CNTNAP4: variants seen among roughly 807,000 people sequenced by gnomAD.
The protein encoded by CNTNAP4 is contactin associated protein family member 4.
Under a neutral mutation model 148.4 loss-of-function variants are expected in CNTNAP4, and 98 were observed. The observed-to-expected ratio is 0.66, with a 90% CI of 0.56 to 0.78. CNTNAP4 has a LOEUF of 0.78. Among genes scored for constraint, CNTNAP4 ranks in the 30% least tolerant of loss-of-function variants. CNTNAP4 has a pLI of 0.00. For synonymous variants in CNTNAP4, 730 were observed against 565.1 expected, an observed-to-expected ratio of 1.29 and a Z score of -4.14; for missense variants, 1,935 against 1,565.6, an observed-to-expected ratio of 1.24 and a Z score of -3.98.
chr16:76,316,005 A>G (rs1164342488), intron 1 of CNTNAP4, among the ~76,000 whole-genome samples: 2 of 152,124 alleles, frequency 1.3e-5, no homozygotes, highest in Non-Finnish European at 2.9e-5. Flanking sequence ...TATTTGGAAT[A>G]CTAATTGTAT....
chr16:76,281,395 A>G (rs1958682984), intron 1 of CNTNAP4, among the ~76,000 whole-genome samples: 2 of 152,086 alleles, frequency 1.3e-5, no homozygotes, highest in East Asian at 1.9e-4. Context: ...ATTTTCATCT[A>G]TTCAGTCCAT....
At chr16:76,321,972 C>T (rs201469597) in intron 2 of CNTNAP4, among the ~76,000 whole-genome samples, 1 of 151,810 alleles carries the variant, frequency 6.6e-6, no homozygotes, top group East Asian at 1.9e-4. Context: ...CTGAAATTTG[C>T]CTGAGAGGTC....
chr16:76,426,962 G>T (rs534169113), intron 3 of CNTNAP4, among the ~76,000 whole-genome samples: 1 of 152,098 alleles, frequency 6.6e-6, no homozygotes, highest in Non-Finnish European at 1.5e-5. Flanking sequence ...TGAATGTTGC[G>T]TGGTACTTTT....
chr16:76,478,053 C>T (rs1033844864), intron 11 of CNTNAP4, among the ~76,000 whole-genome samples: 1 of 152,026 alleles, frequency 6.6e-6, no homozygotes, highest in Admixed American at 6.6e-5. Context: ...TAGTGGAGGG[C>T]AGGAGATGGA....
At chr16:76,516,124 G>C (rs1035762292) in intron 15 of CNTNAP4, among the ~76,000 whole-genome samples, 2 of 138,002 alleles carry the variant, frequency 1.4e-5, no homozygotes, top group Non-Finnish European at 3.0e-5. Flanking sequence ...CCCATTGTGT[G>C]ATGTTCCCCT....
At chr16:76,467,585 T>C in intron 10 of CNTNAP4, 62 bp downstream of exon 10, 1 of 1,309,392 alleles carries the variant, frequency 7.6e-7, no homozygotes, top group South Asian at 1.5e-5. Flanking sequence ...TTAAAATTTA[T>C]GTATAAGATG....
At chr16:76,471,305 C>G (rs924726108) in intron 10 of CNTNAP4, among the ~76,000 whole-genome samples, 2 of 152,178 alleles carry the variant, frequency 1.3e-5, no homozygotes, top group Non-Finnish European at 2.9e-5. Flanking sequence ...GTGATGGCTA[C>G]TAAGACAACA....
At chr16:76,366,931 A>G (rs551259690) in intron 3 of CNTNAP4, among the ~76,000 whole-genome samples, 10 of 152,258 alleles carry the variant, frequency 6.6e-5, no homozygotes, top group African/African-American at 1.4e-4. Context: ...TCTCCCTAAA[A>G]TCATCCATAT....
intron 3 of CNTNAP4, among the ~76,000 whole-genome samples, chr16:76,377,134 T>C (rs59687538): frequency 0.036 from 5,403 of 152,186 alleles, 293 homozygotes; most frequent in African/African-American, 0.12. Context: ...TTCCCTCTTA[T>C]TCCAGGGAAG....
At chr16:76,515,231 A>G (rs1291473231) in intron 15 of CNTNAP4, among the ~76,000 whole-genome samples, 2 of 152,204 alleles carry the variant, frequency 1.3e-5, no homozygotes, top group Non-Finnish European at 2.9e-5. Flanking sequence ...AGAATCCTCA[A>G]AAGTTGACAG....
intron 2 of CNTNAP4, among the ~76,000 whole-genome samples, chr16:76,328,724 C>T (rs1963240391): frequency 6.6e-6 from 1 of 152,096 alleles, no homozygotes; most frequent in Non-Finnish European, 1.5e-5. Flanking sequence ...TGGCTCACTG[C>T]AACCTCCGCC....
chr16:76,314,002 A>T (rs1330381023), intron 1 of CNTNAP4, among the ~76,000 whole-genome samples: 1 of 152,228 alleles, frequency 6.6e-6, no homozygotes, highest in African/African-American at 2.4e-5. Context: ...GGCTGAATAA[A>T]TTAAACATGT....
At chr16:76,372,078 A>G (rs545403786) in intron 3 of CNTNAP4, among the ~76,000 whole-genome samples, 1 of 147,020 alleles carries the variant, frequency 6.8e-6, no homozygotes, top group Non-Finnish European at 1.5e-5. Flanking sequence ...TCACCCATCT[A>G]TTTTTGTTCT....
intron 2 of CNTNAP4, among the ~76,000 whole-genome samples, chr16:76,347,105 A>G (rs902040506): frequency 2.0e-5 from 3 of 151,436 alleles, no homozygotes; most frequent in African/African-American, 7.3e-5. Flanking sequence ...TAGTTTACAA[A>G]TGATTAAGCT....
intron 3 of CNTNAP4, among the ~76,000 whole-genome samples, chr16:76,409,211 A>T (rs1334270963): frequency 1.3e-5 from 2 of 151,926 alleles, no homozygotes; most frequent in East Asian, 3.9e-4. Flanking sequence ...AGATACATTT[A>T]TTTTAATTTT....
intron 2 of CNTNAP4, among the ~76,000 whole-genome samples, chr16:76,354,539 G>T (rs1179432624): frequency 6.6e-6 from 1 of 152,170 alleles, no homozygotes; most frequent in Non-Finnish European, 1.5e-5. Flanking sequence ...TGGTAAACTG[G>T]CTGGGGTGAG....
chr16:76,400,392 T>A (rs2078366651), intron 3 of CNTNAP4, among the ~76,000 whole-genome samples: 1 of 152,180 alleles, frequency 6.6e-6, no homozygotes, highest in Non-Finnish European at 1.5e-5. Flanking sequence ...TATTTGTCAA[T>A]TAAAAATAAA....
chr16:76,533,843 G>C (rs181500120), intron 17 of CNTNAP4, among the ~76,000 whole-genome samples: 1 of 152,236 alleles, frequency 6.6e-6, no homozygotes, highest in East Asian at 1.9e-4. Flanking sequence ...TTTATAAATA[G>C]AACAGCCAAC....
intron 3 of CNTNAP4, among the ~76,000 whole-genome samples, chr16:76,365,222 C>T (rs779330351): frequency 2.0e-5 from 3 of 152,054 alleles, no homozygotes; most frequent in Non-Finnish European, 4.4e-5. Flanking sequence ...CTGTTCTGTT[C>T]CCTTGGTCTA....
Sources: allele counts gnomAD v4.1 joint callset (sites outside exome capture counted in the v4.1 genomes callset), GRCh38; gene constraint gnomAD v4.1.1; transcripts MANE v1.5; gene names NCBI Gene and HGNC (gene_info 2026-07-23, HGNC 2026-07-21).